ZFHX3: variants seen among roughly 807,000 people sequenced by gnomAD.
ZFHX3 encodes the protein zinc finger homeobox protein 3.
Under a neutral mutation model 279.1 loss-of-function variants are expected in ZFHX3, and 42 were observed. The observed-to-expected ratio is 0.15, with a 90% CI of 0.12 to 0.19. The LOEUF (loss-of-function observed/expected upper bound fraction) is 0.19, where lower values mean the gene tolerates loss of function less well. Among genes scored for constraint, ZFHX3 ranks in the 10% least tolerant of loss-of-function variants. The probability of loss-of-function intolerance (pLI) is 1.00; values close to 1 mark genes in which losing one functional copy is unlikely to be tolerated. For missense variants in ZFHX3, 4,981 were observed against 4,754.0 expected, an observed-to-expected ratio of 1.05 and a Z score of -1.40; for synonymous variants, 2,293 against 1,957.8, an observed-to-expected ratio of 1.17 and a Z score of -4.52.
At chr16:73,184,249 C>T (rs373016472) in intron 5 of ZFHX3, among the ~76,000 whole-genome samples, 28 of 152,256 alleles carry the variant, frequency 1.8e-4, no homozygotes, top group African/African-American at 6.5e-4. Flanking sequence ...TGGATGCGTC[C>T]AGGCAGGGGC....
chr16:73,574,109 A>G (rs2051771248), intron 2 of ZFHX3, among the ~76,000 whole-genome samples: 1 of 152,118 alleles, frequency 6.6e-6, no homozygotes, highest in Non-Finnish European at 1.5e-5. Context: ...AAACTTTAAG[A>G]CTTCTGTTTT....
chr16:73,086,966 T>C (rs1213113363), intron 8 of ZFHX3, among the ~76,000 whole-genome samples: 2 of 151,902 alleles, frequency 1.3e-5, no homozygotes, highest in African/African-American at 4.8e-5. Context: ...AGAGAAGAAC[T>C]GGAATGCTCC....
At chr16:73,378,089 T>A (rs1004363124) in intron 3 of ZFHX3, among the ~76,000 whole-genome samples, 1 of 143,652 alleles carries the variant, frequency 7.0e-6, no homozygotes, top group Non-Finnish European at 1.5e-5. Context: ...CATACTTATG[T>A]CCTTAGTTAG....
chr16:73,082,268 T>C (rs78917323), intron 8 of ZFHX3, among the ~76,000 whole-genome samples: 1 of 151,538 alleles, frequency 6.6e-6, no homozygotes, highest in Non-Finnish European at 1.5e-5. Context: ...AATGAATGAA[T>C]TTTTTTTTCT....
intron 1 of ZFHX3, among the ~76,000 whole-genome samples, chr16:73,686,616 C>A (rs58125193): frequency 6.6e-6 from 1 of 152,064 alleles, no homozygotes; most frequent in African/African-American, 2.4e-5. Context: ...CCATAATTGT[C>A]TCAGCCTCTT....
intron 2 of ZFHX3, among the ~76,000 whole-genome samples, chr16:73,531,424 A>G (rs933004003): frequency 6.6e-6 from 1 of 152,136 alleles, no homozygotes; most frequent in African/African-American, 2.4e-5. Context: ...TTAATTAAGA[A>G]TATTTCCTGG....
upstream of ZFHX3, among the ~76,000 whole-genome samples, chr16:73,063,504 C>T (rs529985989): frequency 1.2e-3 from 175 of 152,166 alleles, no homozygotes; most frequent in Non-Finnish European, 2.1e-3. Context: ...ATCCAAGGCT[C>T]TGCCCTAAGG....
intron 5 of ZFHX3, among the ~76,000 whole-genome samples, chr16:73,247,387 G>T (rs866354616): frequency 4.2e-4 from 64 of 152,022 alleles, no homozygotes; most frequent in African/African-American, 1.4e-3. Flanking sequence ...TGGAGTATAC[G>T]CGTGTGTGTA....
At chr16:72,855,985 G>C (rs767831855) in intron 4 of ZFHX3, among the ~76,000 whole-genome samples, 2 of 152,254 alleles carry the variant, frequency 1.3e-5, no homozygotes, top group Non-Finnish European at 2.9e-5. Context: ...ACCAAGCACA[G>C]AGGTTGCCTT....
chr16:73,631,502 G>A (rs900718939), intron 2 of ZFHX3, among the ~76,000 whole-genome samples: 1 of 152,058 alleles, frequency 6.6e-6, no homozygotes, highest in African/African-American at 2.4e-5. Context: ...ACAAATCTAT[G>A]CACACAATTG....
rs1211308732 is a variant in ZFHX3, at chr16:72,870,687, C to G, written c.3448+19044G>C. Among the ~76,000 whole-genome samples the G allele has an allele frequency of 8.6e-5, 11 of 128,180 alleles. No homozygotes were observed. The Admixed American group carries it at 9.0e-4, about 10-fold the overall frequency. The allele number at this position is 128,180 out of a possible 152,430, so 84.1% of individuals were successfully genotyped here. ...GAGCCGAGATCGCACCACTGCACTC[C>G]AGCCTGGGCGACAGAGCAAGACTCT... On this transcript the variant is annotated intron_variant, in intron 4 of 9. Transcript: ENST00000268489.
At chr16:73,084,795 C>T (rs893367288) in intron 8 of ZFHX3, among the ~76,000 whole-genome samples, 7 of 152,114 alleles carry the variant, frequency 4.6e-5, no homozygotes, top group East Asian at 1.9e-4. Context: ...GCTGGGATGA[C>T]AGGCATGAGC....
rs137862031 is a variant in ZFHX3, at chr16:73,329,021, C to G, written c.-1290-10685G>C. Reference sequence around the variant, plus strand: ...ATTCTTTTCCTCTAGGACTGTTGGTCACAGGTACATTCAGTTCAGACTTTT... The same window carrying G: ...ATTCTTTTCCTCTAGGACTGTTGGTGACAGGTACATTCAGTTCAGACTTTT... On this transcript the variant is annotated intron_variant, in intron 3 of 17. Transcript: ENST00000641206. Among the ~76,000 whole-genome samples, 10 of 152,356 alleles carry G rather than the reference C, an allele frequency of 6.6e-5. No individual in the cohort carries two copies. The East Asian group carries it at 1.7e-3, about 26-fold the overall frequency.
intron 7 of ZFHX3, among the ~76,000 whole-genome samples, chr16:73,094,262 T>A (rs1451196254): frequency 6.6e-6 from 1 of 152,192 alleles, no homozygotes; most frequent in Non-Finnish European, 1.5e-5. Context: ...CCCAATTAAT[T>A]CCTACTCACA....
At chr16:73,074,826 G>A (rs1369758485) in intron 8 of ZFHX3, among the ~76,000 whole-genome samples, 5 of 151,636 alleles carry the variant, frequency 3.3e-5, no homozygotes, top group African/African-American at 1.2e-4. Context: ...TTTGAGACAG[G>A]GTCAGGTTCT....
intron 5 of ZFHX3, among the ~76,000 whole-genome samples, chr16:73,164,210 A>G (rs557972766): frequency 6.6e-6 from 1 of 152,330 alleles, no homozygotes; most frequent in East Asian, 1.9e-4. Context: ...CTGTCCTTCA[A>G]TAATGCTAGG....
At chr16:73,504,768 C>T (rs145675244) in intron 2 of ZFHX3, 4 of 152,028 alleles carry the variant, frequency 2.6e-5, no homozygotes, top group Non-Finnish European at 2.9e-5. Context: ...GATCTTCCCA[C>T]GTTTCCTGTC....
chr16:73,227,700 T>G (rs2012640168), intron 5 of ZFHX3, among the ~76,000 whole-genome samples: 1 of 151,356 alleles, frequency 6.6e-6, no homozygotes, highest in African/African-American at 2.4e-5. Context: ...AATCCAAAAA[T>G]TATCCAGGTG....
chr16:72,787,673 C>T lies in ZFHX3; in HGVS notation c.10603G>A (p.Glu3535Lys), dbSNP rs1457944892. Reference sequence around the variant, plus strand: ...GCTTCCTCCCCACAGAGCGCGCTCTCGCACGCCAGGCAGTGGTACGAGCCG... The same window carrying T: ...GCTTCCTCCCCACAGAGCGCGCTCTTGCACGCCAGGCAGTGGTACGAGCCG... Reference protein sequence around the residue: ...GGGSYHCLACESALCGEEALS... With the variant: ...GGGSYHCLACKSALCGEEALS... The change falls in exon 10 of 10, where the codon GAG becomes AAG. Residue 3535 changes from glutamate to lysine, a missense_variant. Around this residue, in one of 7 missense-constraint regions of ZFHX3, gnomAD observed 1,034 missense variants for 786.0 expected, o/e 1.32. Coordinates refer to ENST00000268489, the MANE Select transcript of ZFHX3 (RefSeq NM_006885.4). 1.3e-6 allele frequency: 2 copies of T among 1,558,562 alleles called. No individual in the cohort carries two copies. The highest frequency in any genetic ancestry group is 1.7e-6 in the Non-Finnish European group (2 of 1,151,894).
Sources: allele counts gnomAD v4.1 joint callset (sites outside exome capture counted in the v4.1 genomes callset), GRCh38; gene constraint gnomAD v4.1.1; regional missense constraint gnomAD v4.1.1; transcripts MANE v1.5; gene names NCBI Gene and HGNC (gene_info 2026-07-23, HGNC 2026-07-21).